Variants in ARMC2 observed in about 807,000 individuals in gnomAD.
ARMC2 encodes armadillo repeat-containing protein 2.
Under a neutral mutation model 90.3 loss-of-function variants are expected in ARMC2, and 67 were observed. The observed-to-expected ratio is 0.74, with a 90% confidence interval of 0.61 to 0.91. The LOEUF (loss-of-function observed/expected upper bound fraction) is 0.91. ARMC2 is among the 40% of genes least tolerant of loss of function. ARMC2 has a pLI of 0.00. For missense variants in ARMC2, 920 were observed against 1,030.9 expected (o/e 0.89, Z 1.47); for synonymous variants, 393 against 393.0 (o/e 1.00, Z 0.00).
intron 12 of ARMC2, among the ~76,000 whole-genome samples, chr6:108,942,691 T>C (rs1442981863): frequency 6.6e-6 from 1 of 152,192 alleles, no homozygotes; most frequent in Non-Finnish European, 1.5e-5. Flanking sequence ...AGTCTCTTAA[T>C]ATACACAGCC....
chr6:108,928,302 A>G, intron 11 of ARMC2, 69 bp downstream of exon 11: 1 of 1,365,088 alleles, frequency 7.3e-7, no homozygotes, highest in Non-Finnish European at 9.6e-7. Context: ...TATCTTTAAT[A>G]TTTGCTTGTG....
Position 108,869,128 on chromosome 6 carries a change from C to A in ARMC2, c.463+133C>A, listed in dbSNP as rs971038462. ...TTAACTAAGATTAGTTAATATTGGG[C>A]AAAAGCTGGCTAAGAAACATTGTTC... On this transcript the variant is annotated intron_variant, in intron 4 of 17. Coordinates refer to ENST00000392644, the MANE Select transcript of ARMC2 (RefSeq NM_032131.6). 1.8e-5 allele frequency: 17 copies of A among 920,600 alleles called. No individual in the cohort carries two copies. In the African/African-American group the frequency reaches 2.2e-4, roughly 12 times the overall value. The allele number at this position is 920,600 out of a possible 1,614,324, so 57.0% of individuals were successfully genotyped here. A position where few individuals can be genotyped will look rare whatever the true frequency, so the allele number is the denominator to read the frequency against.
the ARMC2 span, among the ~76,000 whole-genome samples, chr6:109,011,641 T>C: frequency 1.3e-5 from 2 of 151,162 alleles, no homozygotes; most frequent in African/African-American, 4.8e-5. Flanking sequence ...TCTTTTTTTT[T>C]TTTTTTGAGA....
chr6:108,861,429 A>G (rs138165523), intron 3 of ARMC2, among the ~76,000 whole-genome samples: 14 of 152,382 alleles, frequency 9.2e-5, no homozygotes, highest in Non-Finnish European at 1.9e-4. Context: ...CTACATAACC[A>G]TGATACCATC....
At chr6:108,969,511 A>G (rs1332122723) in intron 17 of ARMC2, among the ~76,000 whole-genome samples, 1 of 152,210 alleles carries the variant, frequency 6.6e-6, no homozygotes, top group East Asian at 1.9e-4. Context: ...TGGTTACCTA[A>G]ATAAGCACTT....
the ARMC2 span, chr6:108,992,904 G>T: frequency 2.5e-6 from 4 of 1,579,932 alleles, no homozygotes; most frequent in Admixed American, 6.8e-5. Context: ...CATCATCTGG[G>T]AAAAAAGGCC....
chr6:108,915,504 C>T (rs1005211791), intron 10 of ARMC2, among the ~76,000 whole-genome samples: 2 of 152,132 alleles, frequency 1.3e-5, no homozygotes, highest in Admixed American at 1.3e-4. Flanking sequence ...ACATCTGGCA[C>T]AGCGTTAGAG....
intron 12 of ARMC2, among the ~76,000 whole-genome samples, chr6:108,945,555 G>A (rs1264423667): frequency 3.3e-5 from 5 of 152,196 alleles, no homozygotes; most frequent in African/African-American, 1.2e-4. Context: ...TGTCGTCAGA[G>A]CCTTTGCAAA....
At chr6:108,882,132 C>T (rs1296206256) in intron 5 of ARMC2, among the ~76,000 whole-genome samples, 1 of 149,968 alleles carries the variant, frequency 6.7e-6, no homozygotes, top group Non-Finnish European at 1.5e-5. Flanking sequence ...TGTGATCATT[C>T]TCTTAAAAAA....
the ARMC2 span, among the ~76,000 whole-genome samples, chr6:109,033,251 A>C: frequency 6.6e-6 from 1 of 152,188 alleles, no homozygotes; most frequent in Non-Finnish European, 1.5e-5. Context: ...ACAAAGGTAT[A>C]AACCAGTGAT....
At chr6:109,028,750 G>A in the ARMC2 span, among the ~76,000 whole-genome samples, 1 of 152,150 alleles carries the variant, frequency 6.6e-6, no homozygotes, top group African/African-American at 2.4e-5. Flanking sequence ...CCCGATCTCA[G>A]AACTGGCACA....
At chr6:108,949,089 C>G (rs886066196) in intron 12 of ARMC2, among the ~76,000 whole-genome samples, 1 of 152,090 alleles carries the variant, frequency 6.6e-6, no homozygotes, top group Admixed American at 6.6e-5. Flanking sequence ...ATTGTTTAGT[C>G]CTGGTAACAA....
chr6:108,869,401 G>A (rs1220068484), intron 4 of ARMC2, among the ~76,000 whole-genome samples: 1 of 152,080 alleles, frequency 6.6e-6, no homozygotes, highest in East Asian at 1.9e-4. Flanking sequence ...CCAGCTACTC[G>A]GGAGGCTGAG....
At chr6:108,906,253 A>T (rs1033520490) in intron 8 of ARMC2, among the ~76,000 whole-genome samples, 3 of 152,166 alleles carry the variant, frequency 2.0e-5, no homozygotes, top group Non-Finnish European at 4.4e-5. Context: ...TATGAATGTG[A>T]CTATATTTAG....
chr6:109,036,242 C>T, the ARMC2 span, among the ~76,000 whole-genome samples: 1 of 152,224 alleles, frequency 6.6e-6, no homozygotes. Context: ...AATGTCATTA[C>T]TGCTTCCAGC....
At chr6:108,987,806 C>CTTTTTTTCTTTTTT in the ARMC2 span, among the ~76,000 whole-genome samples, 1 of 135,588 alleles carries the variant, frequency 7.4e-6, no homozygotes, top group African/African-American at 2.8e-5. Context: ...CAGCAGCTAT[C>CTTTTTTTCTTTTTT]TTTTTTTTTT....
At chr6:108,928,485 G>T (rs867505654) in intron 11 of ARMC2, among the ~76,000 whole-genome samples, 4 of 152,274 alleles carry the variant, frequency 2.6e-5, no homozygotes, top group Middle Eastern at 3.4e-3. Context: ...GGTGAGTTGT[G>T]AGCTACGTGT....
intron 5 of ARMC2, among the ~76,000 whole-genome samples, chr6:108,881,733 A>G (rs1395681746): frequency 6.6e-6 from 1 of 152,090 alleles, no homozygotes; most frequent in Admixed American, 6.6e-5. Context: ...GAGGGGCTTG[A>G]TACATTAGAA....
At chr6:108,925,827 T>C (rs1775055604) in intron 10 of ARMC2, among the ~76,000 whole-genome samples, 1 of 152,230 alleles carries the variant, frequency 6.6e-6, no homozygotes, top group African/African-American at 2.4e-5. Flanking sequence ...TGAGGTATTG[T>C]ATATTACTCA....
Sources: gnomAD v4.1 joint callset for allele counts (sites outside exome capture counted in the v4.1 genomes callset) on GRCh38, gnomAD v4.1.1 for gene constraint, MANE v1.5 for transcripts, NCBI Gene and HGNC (gene_info 2026-07-23, HGNC 2026-07-21) for gene names.